The following FRMPD4 variants were observed in gnomAD, a reference collection of about 807,000 sequenced individuals.
FRMPD4 encodes FERM and PDZ domain-containing protein 4.
In FRMPD4, 22 loss-of-function variants were observed where a neutral mutation model predicts 94.1. The ratio of observed to expected loss-of-function variants is 0.23; its 90% CI spans 0.17 to 0.33. FRMPD4 has a LOEUF of 0.33. Among genes scored for constraint, FRMPD4 ranks in the 10% least tolerant of loss-of-function variants. The pLI is 1.00. For synonymous variants in FRMPD4, 631 were observed against 548.6 expected (o/e 1.15, Z -2.10); for missense variants, 1,111 against 1,339.9 (o/e 0.83, Z 2.67).
chrX:12,650,888 C>A (rs1468963734), intron 4 of FRMPD4, among the ~76,000 whole-genome samples: 1 of 112,862 alleles, frequency 8.9e-6, no homozygotes, highest in Non-Finnish European at 1.9e-5. Flanking sequence ...CTATAAATTG[C>A]AGCAAGTTGA....
chrX:12,085,670 A>C (rs1384846713), intron 3 of FRMPD4, among the ~76,000 whole-genome samples: 4 of 111,920 alleles, frequency 3.6e-5, no homozygotes, highest in Non-Finnish European at 7.5e-5. Context: ...CCAGGAGCTC[A>C]AGACCAGCCT....
intron 1 of FRMPD4, among the ~76,000 whole-genome samples, chrX:12,164,929 T>A (rs1429282930): frequency 8.9e-6 from 1 of 112,216 alleles, no homozygotes; most frequent in African/African-American, 3.2e-5. Flanking sequence ...GTTTAAGTTC[T>A]TTGTAGATTC....
At chrX:12,567,359 G>C (rs2058723684) in intron 2 of FRMPD4, among the ~76,000 whole-genome samples, 1 of 111,885 alleles carries the variant, frequency 8.9e-6, no homozygotes, top group Non-Finnish European at 1.9e-5. Context: ...ATGTTTCTGT[G>C]ACATGGCATT....
At chrX:12,181,874 A>G (rs2056363000) in intron 1 of FRMPD4, among the ~76,000 whole-genome samples, 1 of 111,118 alleles carries the variant, frequency 9.0e-6, no homozygotes, top group Non-Finnish European at 1.9e-5. Flanking sequence ...GGTTGGTTTC[A>G]TTTTCCGGCA....
At chrX:12,369,107 T>G (rs2056126576) in intron 1 of FRMPD4, among the ~76,000 whole-genome samples, 1 of 110,785 alleles carries the variant, frequency 9.0e-6, no homozygotes, top group East Asian at 2.8e-4. Flanking sequence ...CTTCGTAACA[T>G]TGTATCATTT....
At chrX:12,609,656 T>C in intron 2 of FRMPD4, 65 bp from the exon 3 acceptor site, 1 of 930,764 alleles carries the variant, frequency 1.1e-6, no homozygotes, top group East Asian at 3.1e-5. Flanking sequence ...GAGAATATGA[T>C]TGCCAGGCCA....
chrX:12,258,747 T>C (rs1360910836), intron 1 of FRMPD4, among the ~76,000 whole-genome samples: 1 of 111,868 alleles, frequency 8.9e-6, no homozygotes, highest in African/African-American at 3.2e-5. Context: ...ATGTATACAA[T>C]GTGTAATGAT....
At chrX:12,432,533 T>C (rs1040644393) in intron 1 of FRMPD4, among the ~76,000 whole-genome samples, 2 of 111,527 alleles carry the variant, frequency 1.8e-5, no homozygotes, top group African/African-American at 6.5e-5. Context: ...AAATGGCTGA[T>C]GGCGGGATTG....
intron 1 of FRMPD4, among the ~76,000 whole-genome samples, chrX:12,206,857 CTGTT>C (rs763373070): frequency 9.8e-5 from 11 of 112,303 alleles, no homozygotes; most frequent in Non-Finnish European, 2.1e-4. Context: ...TATCCACATT[CTGTT>C]TGTTTTGCTC....
chrX:11,918,188 A>G (rs1198750552), intron 3 of FRMPD4, among the ~76,000 whole-genome samples: 1 of 113,289 alleles, frequency 8.8e-6, no homozygotes, highest in South Asian at 3.6e-4. Context: ...CAGCAAGCAC[A>G]TACCAATGTT....
intron 1 of FRMPD4, among the ~76,000 whole-genome samples, chrX:12,377,587 T>C (rs1019808147): frequency 4.5e-5 from 5 of 112,351 alleles, no homozygotes; most frequent in African/African-American, 1.3e-4. Flanking sequence ...AAGTTGCTGA[T>C]TGAAAAAGAG....
chrX:12,633,766 A>G (rs1210586129), intron 4 of FRMPD4, among the ~76,000 whole-genome samples: 2 of 112,250 alleles, frequency 1.8e-5, no homozygotes, highest in Non-Finnish European at 3.8e-5. Flanking sequence ...ATGTCTGTCA[A>G]ATCAGACTTA....
chrX:12,327,542 G>A (rs981583229), intron 1 of FRMPD4, among the ~76,000 whole-genome samples: 2 of 111,970 alleles, frequency 1.8e-5, no homozygotes, highest in African/African-American at 6.5e-5. Context: ...CTTGTAAAAA[G>A]AGTCACTTTA....
At chrX:12,131,095 G>A (rs2055548903) in intron 3 of FRMPD4, among the ~76,000 whole-genome samples, 1 of 111,726 alleles carries the variant, frequency 9.0e-6, no homozygotes, top group Non-Finnish European at 1.9e-5. Context: ...CTTTTGGTAT[G>A]TGCCTGAGCA....
At chrX:12,350,134 A>C (rs1457269161) in intron 1 of FRMPD4, among the ~76,000 whole-genome samples, 1 of 111,499 alleles carries the variant, frequency 9.0e-6, no homozygotes, top group Non-Finnish European at 1.9e-5. Flanking sequence ...AAGACCAAAA[A>C]ATTATTATAT....
intron 1 of FRMPD4, among the ~76,000 whole-genome samples, chrX:12,320,882 T>C (rs774895280): frequency 6.2e-5 from 7 of 112,266 alleles, no homozygotes; most frequent in Admixed American, 9.5e-5. Context: ...AGGAGTTTAT[T>C]AAAATTTTTA....
chrX:12,025,928 A>G (rs2054658540), intron 3 of FRMPD4, among the ~76,000 whole-genome samples: 1 of 112,112 alleles, frequency 8.9e-6, no homozygotes, highest in African/African-American at 3.2e-5. Context: ...ACCCACGGAA[A>G]TAATGACATA....
intron 3 of FRMPD4, among the ~76,000 whole-genome samples, chrX:11,928,256 G>A (rs2054100742): frequency 8.9e-6 from 1 of 112,173 alleles, no homozygotes; most frequent in Non-Finnish European, 1.9e-5. Context: ...CCAAGACTGG[G>A]TAATTTAGAA....
At chrX:12,112,471 A>T (rs762892961) in intron 3 of FRMPD4, among the ~76,000 whole-genome samples, 144 of 110,965 alleles carry the variant, frequency 1.3e-3, no homozygotes, top group Non-Finnish European at 2.4e-3. Context: ...AATGTAAATG[A>T]TGAGCTAATG....
Sources: gnomAD v4.1 joint callset for allele counts (sites outside exome capture counted in the v4.1 genomes callset) on GRCh38, gnomAD v4.1.1 for gene constraint, MANE v1.5 for transcripts, NCBI Gene and HGNC (gene_info 2026-07-23, HGNC 2026-07-21) for gene names.